The following PIK3C2G variants were observed in gnomAD, a reference collection of about 807,000 sequenced individuals.
PIK3C2G encodes the protein phosphatidylinositol 3-kinase C2 domain-containing subunit gamma.
In PIK3C2G, 168 loss-of-function variants were observed where a neutral mutation model predicts 181.1. The ratio of observed to expected loss-of-function variants is 0.93; its 90% confidence interval spans 0.82 to 1.05. The LOEUF is 1.05. Ranked by LOEUF, PIK3C2G falls within the 50% of genes least tolerant of loss-of-function variation. The probability of loss-of-function intolerance (pLI) is 0.00; values close to 1 mark genes in which losing one functional copy is unlikely to be tolerated. For missense variants in PIK3C2G, 1,869 were observed against 1,732.8 expected (o/e 1.08, Z -1.40); for synonymous variants, 573 against 592.2 (o/e 0.97, Z 0.47).
chr12:18,661,936 A>G, the PIK3C2G span, among the ~76,000 whole-genome samples: 1 of 152,260 alleles, frequency 6.6e-6, no homozygotes, highest in South Asian at 2.1e-4. Flanking sequence ...CTACACATCC[A>G]TAAAAAAAGA....
At chr12:18,461,632 G>C (rs1021031224) in intron 18 of PIK3C2G, among the ~76,000 whole-genome samples, 1 of 152,164 alleles carries the variant, frequency 6.6e-6, no homozygotes, top group African/African-American at 2.4e-5. Context: ...TTTGTTAATA[G>C]TGTCTAATTG....
chr12:18,321,994 C>T (rs552211651), intron 7 of PIK3C2G, among the ~76,000 whole-genome samples: 1 of 152,148 alleles, frequency 6.6e-6, no homozygotes, highest in African/African-American at 2.4e-5. Flanking sequence ...GGCTCAATAC[C>T]TAGGTGATGG....
chr12:18,486,992 A>G (rs1048255166), intron 18 of PIK3C2G, among the ~76,000 whole-genome samples: 3 of 152,092 alleles, frequency 2.0e-5, no homozygotes, highest in Admixed American at 2.0e-4. Context: ...CATCATAGGG[A>G]TGAGTAGGAA....
the PIK3C2G span, among the ~76,000 whole-genome samples, chr12:18,680,628 G>A: frequency 1.3e-5 from 2 of 152,124 alleles, no homozygotes; most frequent in African/African-American, 4.8e-5. Context: ...AAACTTTTCT[G>A]TAACACATGT....
chr12:18,264,678 CT>C (rs1948404095), intron 1 of PIK3C2G, among the ~76,000 whole-genome samples: 1 of 151,624 alleles, frequency 6.6e-6, no homozygotes, highest in African/African-American at 2.4e-5. Context: ...GAGACAGCTA[CT>C]TTTTGGAATA....
chr12:18,508,247 C>A (rs910331173), intron 24 of PIK3C2G, among the ~76,000 whole-genome samples: 1 of 152,118 alleles, frequency 6.6e-6, no homozygotes, highest in African/African-American at 2.4e-5. Flanking sequence ...GGCAGTGTCT[C>A]CTTGGATTAC....
the PIK3C2G span, among the ~76,000 whole-genome samples, chr12:18,669,566 A>G: frequency 4.5e-3 from 678 of 152,278 alleles, 7 homozygotes; most frequent in African/African-American, 0.015. Context: ...CAGCAGATTC[A>G]GTTGTTGGTG....
the PIK3C2G span, among the ~76,000 whole-genome samples, chr12:18,690,427 G>A: frequency 2.0e-5 from 3 of 152,066 alleles, no homozygotes; most frequent in Non-Finnish European, 4.4e-5. Context: ...GTTTCACCAT[G>A]TTAGCCAGGC....
intron 32 of PIK3C2G, among the ~76,000 whole-genome samples, chr12:18,642,786 C>CTGTGTG (rs56095750): frequency 0.071 from 10,103 of 143,070 alleles, 364 homozygotes; most frequent in Non-Finnish European, 0.083. Flanking sequence ...ATAAGTGACA[C>CTGTGTG]TGTGTGTGTG....
At chr12:18,640,712 A>T (rs541240011) in intron 32 of PIK3C2G, among the ~76,000 whole-genome samples, 158 bp downstream of exon 32, 1 of 152,186 alleles carries the variant, frequency 6.6e-6, no homozygotes, top group Non-Finnish European at 1.5e-5. Flanking sequence ...ACTCTTCTAG[A>T]TGCTATGGGC....
intron 13 of PIK3C2G, among the ~76,000 whole-genome samples, chr12:18,378,973 A>G (rs1942651505): frequency 6.6e-6 from 1 of 152,212 alleles, no homozygotes; most frequent in Non-Finnish European, 1.5e-5. Context: ...TCAAGGATCT[A>G]GAACTAGAAA....
chr12:18,336,109 A>G (rs1938507456), intron 8 of PIK3C2G, among the ~76,000 whole-genome samples: 2 of 152,272 alleles, frequency 1.3e-5, no homozygotes, highest in South Asian at 2.1e-4. Flanking sequence ...CATTTCTCTT[A>G]TAAACTGAAA....
At chr12:18,254,250 T>C (rs889884426) in intron 1 of PIK3C2G, among the ~76,000 whole-genome samples, 2 of 152,162 alleles carry the variant, frequency 1.3e-5, no homozygotes, top group African/African-American at 2.4e-5. Context: ...CTTACTGTTT[T>C]GTTTTTCTTT....
chr12:18,621,700 G>T (rs1430485633), intron 31 of PIK3C2G, among the ~76,000 whole-genome samples: 1 of 151,726 alleles, frequency 6.6e-6, no homozygotes, highest in Non-Finnish European at 1.5e-5. Context: ...ATCATGCAAA[G>T]TGCTAGACAC....
the PIK3C2G span, among the ~76,000 whole-genome samples, chr12:18,674,651 A>C: frequency 6.6e-6 from 1 of 152,146 alleles, no homozygotes; most frequent in South Asian, 2.1e-4. Context: ...CATGGTCACA[A>C]ATTTTTTGCA....
intron 31 of PIK3C2G, among the ~76,000 whole-genome samples, chr12:18,628,412 C>G (rs1382500554): frequency 6.6e-6 from 1 of 151,858 alleles, no homozygotes; most frequent in Non-Finnish European, 1.5e-5. Flanking sequence ...TGATATATTA[C>G]CCATGTTTTT....
intron 14 of PIK3C2G, among the ~76,000 whole-genome samples, chr12:18,388,405 G>A (rs917300077): frequency 6.6e-6 from 1 of 152,110 alleles, no homozygotes; most frequent in African/African-American, 2.4e-5. Context: ...CTCCCAAGTA[G>A]CTGGAATTAC....
chr12:18,405,189 T>C (rs955550185), intron 16 of PIK3C2G, among the ~76,000 whole-genome samples: 2 of 152,136 alleles, frequency 1.3e-5, no homozygotes, highest in Admixed American at 6.6e-5. Context: ...ATGAGACACA[T>C]AGAAGAAGAT....
At chr12:18,471,324 C>T (rs1229946601) in intron 18 of PIK3C2G, among the ~76,000 whole-genome samples, 1 of 152,058 alleles carries the variant, frequency 6.6e-6, no homozygotes, top group East Asian at 1.9e-4. Flanking sequence ...TTCAACATCT[C>T]CTCTCTACTC....
Sources: allele counts gnomAD v4.1 joint callset (sites outside exome capture counted in the v4.1 genomes callset), GRCh38; gene constraint gnomAD v4.1.1; transcripts MANE v1.5; gene names NCBI Gene and HGNC (gene_info 2026-07-23, HGNC 2026-07-21).